Variants in PPIE observed in about 807,000 individuals in gnomAD.
PPIE encodes peptidyl-prolyl cis-trans isomerase E.
PPIE carries 20 observed loss-of-function variants against 38.4 expected under a neutral mutation model. The observed-to-expected ratio is 0.52, with a 90% CI of 0.37 to 0.76. The LOEUF (loss-of-function observed/expected upper bound fraction) is 0.76, where lower values mean the gene tolerates loss of function less well. Among genes scored for constraint, PPIE ranks in the 30% least tolerant of loss-of-function variants. The pLI, the probability that PPIE is intolerant of heterozygous loss-of-function variation, is 0.00. For synonymous variants in PPIE, 142 were observed against 135.7 expected (o/e 1.05, Z -0.32); for missense variants, 322 against 385.8 (o/e 0.83, Z 1.39).
intron 9 of PPIE, chr1:39,762,575 AAG>A: frequency 6.4e-7 from 1 of 1,550,400 alleles, no homozygotes; most frequent in Non-Finnish European, 8.7e-7. Flanking sequence ...AAAGATGGCC[AAG>A]AGAGAAACTG....
chr1:39,743,048 G>A (rs1235120172), intron 4 of PPIE, 168 bp from the exon 5 acceptor site: 5 of 581,500 alleles, frequency 8.6e-6, no homozygotes, highest in Non-Finnish European at 1.2e-5. Context: ...AGGGGTGTGA[G>A]TTCCCTGAAA....
downstream of PPIE, chr1:39,760,575 A>C: frequency 6.2e-7 from 1 of 1,613,158 alleles, no homozygotes; most frequent in Non-Finnish European, 8.5e-7. Context: ...GCACCTGGCC[A>C]GGAAGAGGGC....
In PPIE at chr1:39,745,619, A is replaced by C. The variant is rs1179170988; in HGVS notation, c.508+121A>C. The C allele has an allele frequency of 5.4e-6, 8 of 1,488,500 alleles. No homozygotes were observed. In the Admixed American group the frequency reaches 1.2e-4, roughly 22 times the overall value. 92.2% of individuals were successfully genotyped at this position (1,488,500 alleles called of 1,614,324 possible). ...ATTGCTTCTGACCTAAGTTGATTTG[A>C]GGCATCTCAGATCCTGGGATCTAGT... is the stretch of plus-strand genomic sequence containing the variant. On this transcript the variant is annotated intron_variant, in intron 7 of 9. Transcript: ENST00000324379.
chr1:39,756,220 G>A lies in PPIE; in HGVS notation c.*2865G>A, dbSNP rs113398441. The A allele has an allele frequency of 1.2e-3, 1,226 of 985,448 alleles. 3 individuals are homozygous for A. Among genetic ancestry groups the A allele is most frequent in the Non-Finnish European group, 1.4e-3 (1,173 of 829,920 alleles). 61.0% of individuals were successfully genotyped at this position (985,448 alleles called of 1,614,324 possible). A position where few individuals can be genotyped will look rare whatever the true frequency, so the allele number is the denominator to read the frequency against. ...AAGTGGAGCCAGTGGCTCTGTGGGCGTCCTTTCCTGCAGCCTGGAGAGCAA... is the reference window on the plus strand; with the variant it reads ...AAGTGGAGCCAGTGGCTCTGTGGGCATCCTTTCCTGCAGCCTGGAGAGCAA... On this transcript the variant is annotated 3_prime_UTR_variant, in exon 10 of 10. Coordinates refer to ENST00000324379, the MANE Select transcript of PPIE (RefSeq NM_006112.4).
intron 9 of PPIE, chr1:39,762,750 A>T: frequency 7.3e-7 from 1 of 1,377,706 alleles, no homozygotes; most frequent in Non-Finnish European, 9.7e-7. Context: ...AAGATCACAC[A>T]GCCCCCACAC....
downstream of PPIE, chr1:39,757,375 G>A (rs1328938623): frequency 2.6e-5 from 4 of 152,236 alleles, no homozygotes; most frequent in African/African-American, 9.6e-5. Context: ...AAAGGAAGAA[G>A]CAGAACCAGG....
intron 2 of PPIE, among the ~76,000 whole-genome samples, chr1:39,740,893 C>T (rs1647040980): frequency 6.6e-6 from 1 of 152,134 alleles, no homozygotes; most frequent in African/African-American, 2.4e-5. Context: ...GCCTTCTAGT[C>T]TCTGAGTTCT....
chr1:39,739,013 A>G, intron 1 of PPIE, 82 bp downstream of exon 1: 1 of 1,334,016 alleles, frequency 7.5e-7, no homozygotes, highest in South Asian at 2.1e-5. Context: ...GCATCTCTGA[A>G]CCAGGAGGAC....
At chr1:39,741,124 A>G (rs1050870146) in intron 2 of PPIE, among the ~76,000 whole-genome samples, 1 of 152,222 alleles carries the variant, frequency 6.6e-6, no homozygotes, top group African/African-American at 2.4e-5. Flanking sequence ...AGAATAATTG[A>G]ATACTTATCA....
chr1:39,744,731 C>T (rs1018001856), intron 6 of PPIE, among the ~76,000 whole-genome samples: 5 of 152,222 alleles, frequency 3.3e-5, no homozygotes, highest in Non-Finnish European at 5.9e-5. Context: ...CATTCATCCA[C>T]ACATTGACCC....
At chr1:39,760,006 G>T (rs967155553), downstream of PPIE, 10 of 230,534 alleles carry the variant, frequency 4.3e-5, no homozygotes, top group African/African-American at 2.3e-4. Context: ...TGTGATGGAT[G>T]GTGAAGAGCT....
At chr1:39,743,060 C>T in intron 4 of PPIE, 156 bp from the exon 5 acceptor site, 1 of 602,420 alleles carries the variant, frequency 1.7e-6, no homozygotes. Flanking sequence ...TCCCTGAAAC[C>T]CACAGGTGGC....
chr1:39,762,758 C>T lies in PPIE; in HGVS notation c.838-931C>T, dbSNP rs1649171770. The stretch of plus-strand genomic sequence containing the variant: ...GTGTGCTAAGATCACACAGCCCCCA[C>T]ACAGTGTACACATCTGTTTCATGTG... On this transcript the variant is annotated intron_variant, in intron 9 of 9. Transcript: ENST00000356511. 7 of 1,352,238 alleles carry T rather than the reference C, an allele frequency of 5.2e-6. No homozygotes were observed. The African/African-American group carries it at 8.9e-5, about 17-fold the overall frequency. The allele number at this position is 1,352,238 out of a possible 1,614,324, so 83.8% of individuals were successfully genotyped here.
Position 39,738,929 on chromosome 1 carries a change from T to C in PPIE, c.29T>C (p.Val10Ala). MATTKRVLY[V>A]GGLAEEVDDK... is the part of the protein sequence containing the mutation. Reference sequence around the variant, plus strand: ...GCCACCACCAAGCGCGTCTTGTACGTGGGTGAGCAGGAGGGGTTGCTAGGC... The same window carrying C: ...GCCACCACCAAGCGCGTCTTGTACGCGGGTGAGCAGGAGGGGTTGCTAGGC... Residue 10 changes from valine to alanine, a missense_variant and splice_region_variant, in exon 1 of 10, where the codon GTG becomes GCG. Transcript: ENST00000324379. 6.7e-7 allele frequency: 1 copy of C among 1,489,220 alleles called. No homozygotes were observed. Among genetic ancestry groups the C allele is most frequent in the Non-Finnish European group, 8.9e-7 (1 of 1,120,208 alleles). The allele number at this position is 1,489,220 out of a possible 1,614,324, so 92.3% of individuals were successfully genotyped here.
At chr1:39,745,600 T>A in intron 7 of PPIE, 102 bp downstream of exon 7, 1 of 1,564,512 alleles carries the variant, frequency 6.4e-7, no homozygotes, top group Non-Finnish European at 8.7e-7. Context: ...TGATATTGCT[T>A]CTGACCTAAG....
At chr1:39,745,748 A>T in intron 7 of PPIE, 4 of 457,912 alleles carry the variant, frequency 8.7e-6, no homozygotes, top group South Asian at 6.8e-5. Flanking sequence ...TCTTTTTTTT[A>T]AAGAATAGCA....
In PPIE at chr1:39,753,399, A is replaced by T. The variant is rs1647964581; in HGVS notation, c.*44A>T. On this transcript the variant is annotated 3_prime_UTR_variant, in exon 10 of 10. Coordinates refer to ENST00000324379, the MANE Select transcript of PPIE (RefSeq NM_006112.4). ...TCCCCCTCCGCTCTTGACCCTGCAT[A>T]TCCAGGAAGGAACTGCCAGCCTCAG... 6.2e-7 allele frequency: 1 copy of T among 1,601,348 alleles called. No homozygotes were observed. Among genetic ancestry groups the T allele is most frequent in the South Asian group, 1.1e-5 (1 of 88,928 alleles).
intron 9 of PPIE, 66 bp from the exon 10 acceptor site, chr1:39,753,221 G>A: frequency 6.3e-7 from 1 of 1,597,142 alleles, no homozygotes; most frequent in Non-Finnish European, 8.6e-7. Context: ...GGGCAGGCAG[G>A]GGTTGGTATC....
chr1:39,745,957 C>G (rs536031702), intron 7 of PPIE: 1 of 154,832 alleles, frequency 6.5e-6, no homozygotes, highest in South Asian at 2.0e-4. Flanking sequence ...TTTCACAAAG[C>G]TTGTTTTGAA....
Sources: allele counts gnomAD v4.1 joint callset (sites outside exome capture counted in the v4.1 genomes callset), GRCh38; gene constraint gnomAD v4.1.1; transcripts MANE v1.5; gene names NCBI Gene and HGNC (gene_info 2026-07-23, HGNC 2026-07-21).